ANK2: variants seen among roughly 807,000 people sequenced by gnomAD.
ANK2 encodes the protein ankyrin 2, also known as ankyrin-2.
A neutral mutation model predicts 360.5 loss-of-function variants in ANK2; 83 were observed. That is an observed-to-expected ratio of 0.23 (90% CI 0.19 to 0.28). The LOEUF (loss-of-function observed/expected upper bound fraction) is 0.28, where lower values mean the gene tolerates loss of function less well. Ranked by LOEUF, ANK2 falls within the 10% of genes least tolerant of loss-of-function variation. The pLI is 1.00. For missense variants in ANK2, 4,201 were observed against 4,795.7 expected (o/e 0.88, Z 3.66); for synonymous variants, 1,740 against 1,759.5 (o/e 0.99, Z 0.28).
chr4:113,254,138 C>G (rs973797690), intron 10 of ANK2, among the ~76,000 whole-genome samples: 6 of 152,216 alleles, frequency 3.9e-5, no homozygotes, highest in African/African-American at 1.4e-4. Context: ...GACATCCTAT[C>G]AAAATTGCAC....
chr4:113,248,740 G>A (rs745897442), intron 9 of ANK2, among the ~76,000 whole-genome samples: 1 of 152,166 alleles, frequency 6.6e-6, no homozygotes, highest in Admixed American at 6.5e-5. Flanking sequence ...GGCCATTTGA[G>A]TTCTGGATAA....
chr4:112,890,099 T>C (rs11933082), intron 1 of ANK2, among the ~76,000 whole-genome samples: 7,648 of 152,278 alleles, frequency 0.05, 541 homozygotes, highest in African/African-American at 0.16. Flanking sequence ...AAACTAATAA[T>C]GTTGGGGCTT....
chr4:113,209,762 T>A (rs1005599709), intron 4 of ANK2, among the ~76,000 whole-genome samples: 5 of 151,990 alleles, frequency 3.3e-5, no homozygotes, highest in African/African-American at 1.2e-4. Context: ...GGTCAGAGTA[T>A]CTTGAAGCGG....
At chr4:112,886,812 C>T (rs2078535984) in intron 1 of ANK2, among the ~76,000 whole-genome samples, 1 of 152,102 alleles carries the variant, frequency 6.6e-6, no homozygotes, top group Non-Finnish European at 1.5e-5. Context: ...CCACATAGTC[C>T]AGAATCTCTA....
intron 1 of ANK2, among the ~76,000 whole-genome samples, chr4:113,088,003 T>G (rs1240571065): frequency 3.3e-5 from 5 of 152,212 alleles, no homozygotes; most frequent in African/African-American, 1.2e-4. Flanking sequence ...CATTTCAGAC[T>G]GATTTTATTG....
intron 2 of ANK2, among the ~76,000 whole-genome samples, chr4:112,931,108 T>C (rs2093173403): frequency 6.6e-6 from 1 of 152,122 alleles, no homozygotes; most frequent in Non-Finnish European, 1.5e-5. Flanking sequence ...TAACAGTTCC[T>C]TCAGTCCTTT....
At chr4:112,948,360 T>C (rs939107779) in intron 2 of ANK2, among the ~76,000 whole-genome samples, 6 of 152,224 alleles carry the variant, frequency 3.9e-5, no homozygotes, top group African/African-American at 9.6e-5. Flanking sequence ...AGAGTTGATA[T>C]AACATTTTAA....
At chr4:112,959,009 C>T (rs935863316) in intron 2 of ANK2, among the ~76,000 whole-genome samples, 10 of 152,010 alleles carry the variant, frequency 6.6e-5, no homozygotes, top group East Asian at 1.9e-4. Flanking sequence ...CCACCACGCC[C>T]GGCTGATTTT....
chr4:113,325,200 T>C lies in ANK2; in HGVS notation c.2901-5046T>C, dbSNP rs112589244. 7.3e-3 allele frequency among the ~76,000 whole-genome samples: 1,119 copies of C among 152,340 alleles called. 20 individuals are homozygous for C. The highest frequency in any genetic ancestry group is 0.026 in the African/African-American group (1,066 of 41,592). On this transcript the variant is annotated intron_variant, in intron 26 of 45. Coordinates refer to ENST00000357077, the MANE Select transcript of ANK2 (RefSeq NM_001148.6). The stretch of plus-strand genomic sequence containing the variant: ...TTTTGTATGTACAGTCTTAAGTCAA[T>C]GTTTAGTGCAGTGTGTGTACACATT...
intron 2 of ANK2, among the ~76,000 whole-genome samples, chr4:112,918,071 C>A (rs1235838452): frequency 1.3e-5 from 2 of 152,184 alleles, no homozygotes; most frequent in East Asian, 1.9e-4. Flanking sequence ...TCTTCTCTGA[C>A]CCTGCTTTAC....
At chr4:113,043,444 A>T (rs2063465869) in intron 2 of ANK2, among the ~76,000 whole-genome samples, 1 of 145,800 alleles carries the variant, frequency 6.9e-6, no homozygotes, top group Non-Finnish European at 1.5e-5. Context: ...AGGGGCTTTA[A>T]AAAAAAAAAA....
intron 7 of ANK2, among the ~76,000 whole-genome samples, chr4:113,238,718 A>T (rs2099402806): frequency 6.6e-6 from 1 of 152,184 alleles, no homozygotes; most frequent in Non-Finnish European, 1.5e-5. Flanking sequence ...TTGCTTGAAG[A>T]CAATAGAGTA....
intron 13 of ANK2, among the ~76,000 whole-genome samples, chr4:113,264,574 C>A (rs945854601): frequency 5.3e-5 from 8 of 151,828 alleles, no homozygotes; most frequent in African/African-American, 1.7e-4. Flanking sequence ...ATACAAAAAT[C>A]AGCTGGGTGT....
At position 113,073,121 on chromosome 4, in the gene ANK2, C is replaced by T. The variant is rs553481585; in HGVS notation, c.84+23309C>T. 3.6e-4 allele frequency among the ~76,000 whole-genome samples: 54 copies of T among 151,892 alleles called. 1 individual carries two copies. The highest frequency in any genetic ancestry group is 1.2e-3 in the African/African-American group (50 of 41,440). Reference sequence around the variant, plus strand: ...GGATTACAGGCGCCCACCACCATGCCTGGCTAGTTTTTGTATTTTTGGTAG... The same window carrying T: ...GGATTACAGGCGCCCACCACCATGCTTGGCTAGTTTTTGTATTTTTGGTAG... On this transcript the variant is annotated intron_variant, in intron 1 of 45. Transcript: ENST00000357077.
At chr4:113,121,478 G>A (rs2095350278) in intron 1 of ANK2, among the ~76,000 whole-genome samples, 2 of 151,982 alleles carry the variant, frequency 1.3e-5, no homozygotes, top group South Asian at 2.1e-4. Flanking sequence ...AATTTGAGGG[G>A]GAAATTATGT....
chr4:113,067,213 C>T (rs2075947415), intron 1 of ANK2, among the ~76,000 whole-genome samples: 1 of 151,876 alleles, frequency 6.6e-6, no homozygotes, highest in Non-Finnish European at 1.5e-5. Flanking sequence ...AGCTGTAGTG[C>T]TAGGGAGACA....
chr4:113,113,439 A>G (rs575252504), intron 1 of ANK2, among the ~76,000 whole-genome samples: 2 of 152,326 alleles, frequency 1.3e-5, no homozygotes, highest in African/African-American at 2.4e-5. Context: ...AATTTGATCA[A>G]TGGAGTGCTG....
intron 2 of ANK2, among the ~76,000 whole-genome samples, chr4:112,938,519 TG>T (rs2093946298): frequency 6.8e-6 from 1 of 147,348 alleles, no homozygotes; most frequent in African/African-American, 2.7e-5. Context: ...GTATATTTTT[TG>T]TTTTCCCCAA....
the ANK2 span, among the ~76,000 whole-genome samples, chr4:112,806,935 T>C: frequency 0.018 from 2,680 of 152,330 alleles, 90 homozygotes; most frequent in African/African-American, 0.059. Context: ...TTTTAGTCTT[T>C]TGAGGAATCC....
Sources: gnomAD v4.1 joint callset for allele counts (sites outside exome capture counted in the v4.1 genomes callset) on GRCh38, gnomAD v4.1.1 for gene constraint, MANE v1.5 for transcripts, NCBI Gene and HGNC (gene_info 2026-07-23, HGNC 2026-07-21) for gene names.